The following HPD variants were observed in gnomAD, a reference collection of about 807,000 sequenced individuals.
The protein encoded by HPD is 4-hydroxyphenylpyruvate dioxygenase.
HPD carries 35 observed loss-of-function variants against 56.9 expected under a neutral mutation model. That is an observed-to-expected ratio of 0.62 (90% CI 0.47 to 0.82). The LOEUF is 0.82. Ranked by LOEUF, HPD falls within the 40% of genes least tolerant of loss-of-function variation. The pLI, the probability that HPD is intolerant of heterozygous loss-of-function variation, is 0.00. For missense variants in HPD, 442 were observed against 506.8 expected (o/e 0.87, Z 1.23); for synonymous variants, 186 against 200.2 (o/e 0.93, Z 0.60).
chr12:121,840,198 T>C (rs1277391184), intron 12 of HPD, 150 bp from the exon 13 acceptor site: 2 of 697,796 alleles, frequency 2.9e-6, no homozygotes, highest in African/African-American at 3.5e-5. Flanking sequence ...AACTGTCCTA[T>C]TACTATCCCC....
In HPD at chr12:121,849,426, C is replaced by A. The variant is rs201425095; in HGVS notation, c.518+261G>T. ...ATTTTACAGATGAAGAAACTGAGGCCTAGAGAGATGAAGCGACTTGCCCAG... is the reference window on the plus strand; with the variant it reads ...ATTTTACAGATGAAGAAACTGAGGCATAGAGAGATGAAGCGACTTGCCCAG... On this transcript the variant is annotated intron_variant, in intron 8 of 13. Transcript: ENST00000289004. Among the ~76,000 whole-genome samples, 28 of 152,136 alleles carry A rather than the reference C, an allele frequency of 1.8e-4. No individual in the cohort carries two copies. In the East Asian group the frequency reaches 5.0e-3, roughly 27 times the overall value.
upstream of HPD, chr12:121,858,991 G>A (rs2137635954): frequency 6.9e-6 from 5 of 724,892 alleles, no homozygotes; most frequent in East Asian, 1.3e-4. Flanking sequence ...CTCTGATCCA[G>A]CCGCAGCCTC....
intron 11 of HPD, among the ~76,000 whole-genome samples, 177 bp from the exon 12 acceptor site, chr12:121,844,009 T>TGCTA (rs1160592183): frequency 1.3e-5 from 2 of 152,138 alleles, no homozygotes; most frequent in African/African-American, 2.4e-5. Flanking sequence ...GAACAACAAC[T>TGCTA]GCTAGATTTA....
At chr12:121,850,399 C>G (rs1256790871) in intron 7 of HPD, among the ~76,000 whole-genome samples, 1 of 148,916 alleles carries the variant, frequency 6.7e-6, no homozygotes, top group African/African-American at 2.4e-5. Context: ...TACACTCCAG[C>G]CTGGGCGACA....
intron 2 of HPD, 42 bp from the exon 3 acceptor site, chr12:121,857,861 GA>G: frequency 6.5e-7 from 1 of 1,548,002 alleles, no homozygotes; most frequent in Non-Finnish European, 8.9e-7. Flanking sequence ...CCCTGAAAGT[GA>G]GTCTAGAAAA....
chr12:121,865,922 G>T (rs574499611), upstream of HPD, among the ~76,000 whole-genome samples: 211 of 152,174 alleles, frequency 1.4e-3, no homozygotes, highest in African/African-American at 4.7e-3. Flanking sequence ...CAGAGGTGGA[G>T]GTTGCGGTAA....
the HPD span, among the ~76,000 whole-genome samples, chr12:121,877,474 G>A: frequency 6.6e-6 from 1 of 151,950 alleles, no homozygotes; most frequent in East Asian, 1.9e-4. Context: ...GTTCACGCCT[G>A]TAGTCCCAGC....
At chr12:121,858,036 C>T (rs1195096206) in intron 2 of HPD, among the ~76,000 whole-genome samples, 1 of 143,352 alleles carries the variant, frequency 7.0e-6, no homozygotes, top group Non-Finnish European at 1.6e-5. Context: ...CCTCAGGAGG[C>T]CTGCCAAGGT....
Position 121,858,817 on chromosome 12 carries a change from T to G in HPD, c.3+4A>C, listed in dbSNP as rs779169586. On this transcript the variant is annotated splice_donor_region_variant and intron_variant, in intron 1 of 13. Transcript: ENST00000289004. ...ACCCAAGGGGAGATGGCCATGGCAC[T>G]TACCATGATTGATCTTAGTCAAACC... The G allele has an allele frequency of 2.5e-6, 4 of 1,614,160 alleles. No individual in the cohort carries two copies. In the South Asian group the frequency reaches 3.3e-5, roughly 13 times the overall value.
upstream of HPD, among the ~76,000 whole-genome samples, chr12:121,868,589 G>A (rs964852182): frequency 6.8e-6 from 1 of 147,202 alleles, no homozygotes; most frequent in Non-Finnish European, 1.5e-5. Flanking sequence ...GCAAAATCTT[G>A]GCTCACTGCA....
chr12:121,839,532 C>T lies in HPD; in HGVS notation c.*196G>A. On this transcript the variant is annotated 3_prime_UTR_variant, in exon 14 of 14. Transcript: ENST00000289004. The stretch of plus-strand genomic sequence containing the variant: ...ACACAAACACAGACACAGTATTGGA[C>T]CGGGGCACGCTTTAATCGGGAGGGC... The T allele has an allele frequency of 1.6e-6, 1 of 622,178 alleles. No individual in the cohort carries two copies. The highest frequency in any genetic ancestry group is 1.9e-5 in the South Asian group (1 of 54,010). 38.5% of individuals were successfully genotyped at this position (622,178 alleles called of 1,614,324 possible). A position where few individuals can be genotyped will look rare whatever the true frequency, so the allele number is the denominator to read the frequency against.
At chr12:121,876,263 A>T in the HPD span, among the ~76,000 whole-genome samples, 392 of 152,312 alleles carry the variant, frequency 2.6e-3, 2 homozygotes, top group African/African-American at 8.9e-3. Flanking sequence ...GTGAGCCAAG[A>T]TTGTGCCACT....
Position 121,840,065 on chromosome 12 carries a change from G to A in HPD, c.955-17C>T. On this transcript the variant is annotated splice_polypyrimidine_tract_variant and intron_variant, in intron 12 of 13. Transcript: ENST00000289004. ...TTTCAGCTCCTAGGCGGGAGACAGGGGGCTCTGCTAGGGGAGGCTGGCACG... is the reference window on the plus strand; with the variant it reads ...TTTCAGCTCCTAGGCGGGAGACAGGAGGCTCTGCTAGGGGAGGCTGGCACG... 6.5e-7 allele frequency: 1 copy of A among 1,548,232 alleles called. No individual in the cohort carries two copies. Among genetic ancestry groups the A allele is most frequent in the Non-Finnish European group, 8.9e-7 (1 of 1,120,104 alleles).
At chr12:121,850,508 CTG>C (rs1298991126) in intron 7 of HPD, among the ~76,000 whole-genome samples, 1 of 142,868 alleles carries the variant, frequency 7.0e-6, no homozygotes, top group African/African-American at 2.6e-5. Flanking sequence ...GAGTCTCACT[CTG>C]TCACTCAGGC....
At chr12:121,876,941 A>C in the HPD span, among the ~76,000 whole-genome samples, 1 of 151,920 alleles carries the variant, frequency 6.6e-6, no homozygotes, top group Non-Finnish European at 1.5e-5. Flanking sequence ...TAAAAATACA[A>C]AAATTAGCCG....
chr12:121,850,009 T>G (rs1394393784), intron 7 of HPD: 1 of 561,876 alleles, frequency 1.8e-6, no homozygotes. Flanking sequence ...TTGCTCATGA[T>G]GGTGTACCCA....
At chr12:121,874,923 G>A in the HPD span, among the ~76,000 whole-genome samples, 5 of 152,070 alleles carry the variant, frequency 3.3e-5, no homozygotes, top group East Asian at 1.9e-4. Context: ...CACCACATCC[G>A]GCTAATTTTG....
At chr12:121,877,102 A>C in the HPD span, among the ~76,000 whole-genome samples, 6 of 151,954 alleles carry the variant, frequency 3.9e-5, no homozygotes, top group South Asian at 1.0e-3. Context: ...TCCAAAAAAA[A>C]AAAAAAAAAA....
chr12:121,847,314 A>G, intron 9 of HPD, 100 bp from the exon 10 acceptor site: 3 of 1,087,154 alleles, frequency 2.8e-6, no homozygotes, highest in East Asian at 2.4e-5. Flanking sequence ...AGCAGGCTCC[A>G]GAAAGGAGAT....
Sources: allele counts gnomAD v4.1 joint callset (sites outside exome capture counted in the v4.1 genomes callset), GRCh38; gene constraint gnomAD v4.1.1; transcripts MANE v1.5; gene names NCBI Gene and HGNC (gene_info 2026-07-23, HGNC 2026-07-21).